Variants in OCIAD2 observed in about 807,000 individuals in gnomAD.
OCIAD2 encodes the protein OCIA domain containing 2, also known as OCIA domain-containing protein 2.
OCIAD2 carries 29 observed loss-of-function variants against 22.9 expected under a neutral mutation model. The ratio of observed to expected loss-of-function variants is 1.27; its 90% CI spans 0.94 to 1.73. The LOEUF (loss-of-function observed/expected upper bound fraction) is 1.73, where lower values mean the gene tolerates loss of function less well. OCIAD2 is among the 40% of genes most tolerant of loss of function. The pLI is 0.00. For synonymous variants in OCIAD2, 67 were observed against 60.2 expected (o/e 1.11, Z -0.52); for missense variants, 189 against 180.3 (o/e 1.05, Z -0.28).
Position 48,894,069 on chromosome 4 carries a change from G to A in OCIAD2, c.218-16C>T, listed in dbSNP as rs1429630843. ...GCCAAATAACCTAAGGAGTAATAAA[G>A]AAAAACATTATTATTTCATTTCATA... On this transcript the variant is annotated splice_polypyrimidine_tract_variant and intron_variant, in intron 4 of 6. Coordinates refer to ENST00000508632, the MANE Select transcript of OCIAD2 (RefSeq NM_001014446.3). 1.4e-5 allele frequency: 18 copies of A among 1,304,342 alleles called. No individual in the cohort carries two copies. The highest frequency in any genetic ancestry group is 1.7e-5 in the Non-Finnish European group (16 of 964,018). 80.8% of individuals were successfully genotyped at this position (1,304,342 alleles called of 1,614,324 possible). A position where few individuals can be genotyped will look rare whatever the true frequency, so the allele number is the denominator to read the frequency against.
At chr4:48,906,331 G>T (rs569883040) in intron 1 of OCIAD2, among the ~76,000 whole-genome samples, 1 of 152,296 alleles carries the variant, frequency 6.6e-6, no homozygotes, top group Non-Finnish European at 1.5e-5. Context: ...GCCCCAGCAT[G>T]GGGGGCGGGG....
chr4:48,889,842 A>G (rs1781114066), intron 6 of OCIAD2, among the ~76,000 whole-genome samples: 1 of 152,218 alleles, frequency 6.6e-6, no homozygotes, highest in African/African-American at 2.4e-5. Flanking sequence ...AATAGCAAAG[A>G]CTTGGAACCA....
At chr4:48,905,932 C>T (rs1377625015) in intron 1 of OCIAD2, among the ~76,000 whole-genome samples, 7 of 152,144 alleles carry the variant, frequency 4.6e-5, no homozygotes, top group Non-Finnish European at 1.5e-5. Context: ...ATGGACACAA[C>T]AATGGTGAGG....
chr4:48,905,921 A>C (rs1353587211), intron 1 of OCIAD2, among the ~76,000 whole-genome samples: 1 of 152,182 alleles, frequency 6.6e-6, no homozygotes, highest in Non-Finnish European at 1.5e-5. Flanking sequence ...AATTGGGCAT[A>C]ATGGACACAA....
At chr4:48,885,720 A>C (rs1213029797) in intron 6 of OCIAD2, among the ~76,000 whole-genome samples, 155 bp from the exon 7 acceptor site, 1 of 152,192 alleles carries the variant, frequency 6.6e-6, no homozygotes, top group Non-Finnish European at 1.5e-5. Flanking sequence ...TCGAGGGCTC[A>C]AGGGATCCTC....
Position 48,899,914 on chromosome 4 carries a change from AAAC to A in OCIAD2, c.75_77del (p.Leu25del), listed in dbSNP as rs763263705. ...GGATGTGCAGTTTTGATTTTGGACA[AAAC>A]AACAGGCTCTGTAAGGAAAGTTATA... On this transcript the variant is annotated inframe_deletion, in exon 3 of 7. Coordinates refer to ENST00000508632, the MANE Select transcript of OCIAD2 (RefSeq NM_001014446.3). 6.2e-7 allele frequency: 1 copy of A among 1,613,094 alleles called. No homozygotes were observed. Among genetic ancestry groups the A allele is most frequent in the Non-Finnish European group, 8.5e-7 (1 of 1,179,288 alleles).
At chr4:48,888,365 A>G (rs1781056904) in intron 6 of OCIAD2, among the ~76,000 whole-genome samples, 1 of 152,224 alleles carries the variant, frequency 6.6e-6, no homozygotes, top group African/African-American at 2.4e-5. Flanking sequence ...CAGAACTTCC[A>G]ACACTATGTT....
chr4:48,897,617 A>G (rs1781329712), intron 4 of OCIAD2, among the ~76,000 whole-genome samples, 187 bp downstream of exon 4: 1 of 152,196 alleles, frequency 6.6e-6, no homozygotes, highest in Non-Finnish European at 1.5e-5. Flanking sequence ...GTAACCCAAT[A>G]TATTCACTAA....
intron 2 of OCIAD2, among the ~76,000 whole-genome samples, chr4:48,903,948 A>G (rs185357775): frequency 4.9e-4 from 75 of 151,922 alleles, no homozygotes; most frequent in Admixed American, 9.2e-4. Flanking sequence ...CCCAGCCAAG[A>G]AAGAGTTTTG....
At chr4:48,888,890 T>G (rs1781076765) in intron 6 of OCIAD2, among the ~76,000 whole-genome samples, 1 of 152,216 alleles carries the variant, frequency 6.6e-6, no homozygotes, top group African/African-American at 2.4e-5. Context: ...TTCTATTGAT[T>G]GGAATAGTTT....
intron 1 of OCIAD2, 97 bp from the exon 2 acceptor site, chr4:48,904,708 G>A: frequency 1.4e-6 from 1 of 696,874 alleles, no homozygotes; most frequent in Non-Finnish European, 2.5e-6. Flanking sequence ...TGGAAAATGT[G>A]TTTTTCCTTT....
intron 6 of OCIAD2, 117 bp from the exon 7 acceptor site, chr4:48,885,682 G>C (rs1184484518): frequency 4.7e-6 from 3 of 636,060 alleles, no homozygotes; most frequent in African/African-American, 3.7e-5. Context: ...GATGTGGGGG[G>C]AGTCTATCTA....
At chr4:48,891,663 T>G (rs1009001010) in intron 6 of OCIAD2, among the ~76,000 whole-genome samples, 1 of 152,228 alleles carries the variant, frequency 6.6e-6, no homozygotes, top group African/African-American at 2.4e-5. Flanking sequence ...CCTTTACTTG[T>G]GCTACTTTTT....
intron 6 of OCIAD2, among the ~76,000 whole-genome samples, chr4:48,890,559 T>G (rs1781141500): frequency 6.6e-6 from 1 of 152,148 alleles, no homozygotes; most frequent in Non-Finnish European, 1.5e-5. Context: ...ACTTCCAGAA[T>G]TTCTGGCTTA....
chr4:48,899,545 T>G (rs1252847060), intron 3 of OCIAD2, among the ~76,000 whole-genome samples: 1 of 152,164 alleles, frequency 6.6e-6, no homozygotes, highest in Non-Finnish European at 1.5e-5. Flanking sequence ...AGTCAGCAAA[T>G]TCTAAATAAT....
chr4:48,892,038 T>C (rs1250588245), intron 6 of OCIAD2, among the ~76,000 whole-genome samples: 9 of 152,222 alleles, frequency 5.9e-5, no homozygotes, highest in Non-Finnish European at 1.3e-4. Context: ...GTGTTTTGAC[T>C]TCTAGTCCAG....
chr4:48,905,929 C>T lies in OCIAD2; in HGVS notation c.-63+729G>A, dbSNP rs545944889. 2.0e-5 allele frequency among the ~76,000 whole-genome samples: 3 copies of T among 152,270 alleles called. No individual in the cohort carries two copies. The East Asian group carries it at 5.8e-4, about 29-fold the overall frequency. ...CACTGTTAATTGGGCATAATGGACA[C>T]AACAATGGTGAGGGGCTCTTGCAGG... On this transcript the variant is annotated intron_variant, in intron 1 of 6. Transcript: ENST00000508632.
intron 4 of OCIAD2, among the ~76,000 whole-genome samples, chr4:48,895,384 G>A (rs1220527399): frequency 3.9e-5 from 6 of 152,164 alleles, no homozygotes; most frequent in African/African-American, 1.4e-4. Context: ...AATACCATAC[G>A]CTGGATAATT....
At chr4:48,886,911 G>A (rs1354536704) in intron 6 of OCIAD2, among the ~76,000 whole-genome samples, 13 of 152,184 alleles carry the variant, frequency 8.5e-5, no homozygotes, top group Admixed American at 2.0e-4. Flanking sequence ...CGGAGGAATC[G>A]CCACACTGAC....
Sources: gnomAD v4.1 joint callset for allele counts (sites outside exome capture counted in the v4.1 genomes callset) on GRCh38, gnomAD v4.1.1 for gene constraint, MANE v1.5 for transcripts, NCBI Gene and HGNC (gene_info 2026-07-23, HGNC 2026-07-21) for gene names.